Variants in PDE10A observed in about 807,000 individuals in gnomAD.
PDE10A encodes cAMP and cAMP-inhibited cGMP 3',5'-cyclic phosphodiesterase 10A.
In PDE10A, 39 loss-of-function variants were observed where a neutral mutation model predicts 97.7. The ratio of observed to expected loss-of-function variants is 0.40; its 90% CI spans 0.31 to 0.52. The LOEUF is 0.52. PDE10A is among the 20% of genes least tolerant of loss of function. The probability of loss-of-function intolerance (pLI) is 0.56; values close to 1 mark genes in which losing one functional copy is unlikely to be tolerated. For synonymous variants in PDE10A, 371 were observed against 376.8 expected (o/e 0.98, Z 0.18); for missense variants, 731 against 1,047.8 (o/e 0.70, Z 4.17).
intron 3 of PDE10A, among the ~76,000 whole-genome samples, chr6:165,461,463 A>T (rs927102094): frequency 6.6e-6 from 1 of 152,212 alleles, no homozygotes; most frequent in Non-Finnish European, 1.5e-5. Flanking sequence ...CTTCAGCTCA[A>T]AAAGCAGAGC....
intron 1 of PDE10A, among the ~76,000 whole-genome samples, chr6:165,877,113 G>A (rs1158890321): frequency 6.6e-6 from 1 of 152,182 alleles, no homozygotes; most frequent in East Asian, 1.9e-4. Context: ...GTTTCTTCCT[G>A]AAGGCACTAT....
chr6:165,857,145 C>G (rs1357681264), intron 1 of PDE10A, among the ~76,000 whole-genome samples: 1 of 152,138 alleles, frequency 6.6e-6, no homozygotes, highest in East Asian at 1.9e-4. Flanking sequence ...GAGCACTTAC[C>G]ACCAAGAGAA....
intron 1 of PDE10A, among the ~76,000 whole-genome samples, chr6:165,786,601 G>T (rs1290459870): frequency 6.6e-6 from 1 of 152,152 alleles, no homozygotes; most frequent in African/African-American, 2.4e-5. Flanking sequence ...TGACACATGG[G>T]CTGTTTTGCA....
At chr6:165,672,730 G>C (rs1733578875) in intron 1 of PDE10A, among the ~76,000 whole-genome samples, 1 of 152,164 alleles carries the variant, frequency 6.6e-6, no homozygotes, top group African/African-American at 2.4e-5. Flanking sequence ...GGCCTCCCCA[G>C]CCACATGGAA....
rs481072 is a variant in PDE10A, at chr6:165,362,876, T to C, written c.2783+16318A>G. On this transcript the variant is annotated intron_variant, in intron 18 of 21. Transcript: ENST00000539869. Reference sequence around the variant, plus strand: ...ACAACTATACACCATTATTACCTGATATCTATCATAGGAATGCAAGGTTGG... The same window carrying C: ...ACAACTATACACCATTATTACCTGACATCTATCATAGGAATGCAAGGTTGG... 7.9e-3 allele frequency among the ~76,000 whole-genome samples: 1,197 copies of C among 152,314 alleles called. 23 individuals are homozygous for C. Among genetic ancestry groups the C allele is most frequent in the African/African-American group, 0.028 (1,154 of 41,576 alleles).
chr6:165,419,386 A>G (rs1175930770), intron 10 of PDE10A, among the ~76,000 whole-genome samples: 2 of 152,330 alleles, frequency 1.3e-5, no homozygotes, highest in South Asian at 2.1e-4. Context: ...ATTTATATGA[A>G]TTGATTTGCC....
At position 165,521,086 on chromosome 6, in the gene PDE10A, C is replaced by T. The variant is rs9459431; in HGVS notation, c.994+22354G>A. ...TTGGTGTCTGTGTGTCAAATTTTCA[C>T]GATATTCAAAATACTTTTTCATCAT... is the stretch of plus-strand genomic sequence containing the variant. On this transcript the variant is annotated intron_variant, in intron 2 of 21. Transcript: ENST00000539869. Among the ~76,000 whole-genome samples the T allele has an allele frequency of 2.1e-3, 326 of 152,192 alleles. 2 individuals carry two copies. The highest frequency in any genetic ancestry group is 7.3e-3 in the African/African-American group (304 of 41,510).
At chr6:165,879,200 T>A (rs190473713) in intron 1 of PDE10A, among the ~76,000 whole-genome samples, 72 of 152,348 alleles carry the variant, frequency 4.7e-4, no homozygotes, top group African/African-American at 1.6e-3. Flanking sequence ...AGACAATTAT[T>A]CCTGTAGGTA....
chr6:165,483,184 T>G (rs1779705431), intron 2 of PDE10A, among the ~76,000 whole-genome samples: 1 of 152,180 alleles, frequency 6.6e-6, no homozygotes, highest in African/African-American at 2.4e-5. Context: ...TGTAATAAAC[T>G]TCAGATCTGC....
intron 1 of PDE10A, chr6:165,986,692 G>C (rs1398921206): frequency 6.6e-6 from 1 of 152,234 alleles, no homozygotes; most frequent in African/African-American, 2.4e-5. Flanking sequence ...CCCATTTGGG[G>C]GGGCGATGGG....
chr6:165,616,191 C>T (rs1308337071), intron 1 of PDE10A, among the ~76,000 whole-genome samples: 7 of 151,620 alleles, frequency 4.6e-5, no homozygotes, highest in Admixed American at 3.3e-4. Flanking sequence ...CAGAATTAAA[C>T]GTGAGCAGTA....
At chr6:165,666,535 G>C (rs1421230455), upstream of PDE10A, among the ~76,000 whole-genome samples, 2 of 151,990 alleles carry the variant, frequency 1.3e-5, no homozygotes, top group African/African-American at 4.8e-5. Context: ...ATGTCATTCA[G>C]GTGTGATGTG....
At chr6:165,541,609 C>A (rs747113860) in intron 2 of PDE10A, among the ~76,000 whole-genome samples, 1 of 152,164 alleles carries the variant, frequency 6.6e-6, no homozygotes, top group Non-Finnish European at 1.5e-5. Context: ...ATATAGCAAG[C>A]TGAAATTTGC....
At chr6:165,957,565 C>G (rs1784172437) in intron 1 of PDE10A, among the ~76,000 whole-genome samples, 1 of 152,220 alleles carries the variant, frequency 6.6e-6, no homozygotes, top group Non-Finnish European at 1.5e-5. Context: ...ACCTCTCCCT[C>G]TGTCAGCCAC....
chr6:165,834,868 C>T (rs1263819391), intron 1 of PDE10A, among the ~76,000 whole-genome samples: 5 of 152,218 alleles, frequency 3.3e-5, no homozygotes, highest in South Asian at 2.1e-4. Context: ...CAAACTCCTA[C>T]GGCAGAGCTG....
chr6:165,556,853 T>A (rs994490010), intron 1 of PDE10A, among the ~76,000 whole-genome samples: 12 of 151,896 alleles, frequency 7.9e-5, no homozygotes, highest in African/African-American at 1.7e-4. Context: ...AAAAAAAAAA[T>A]TCTGAGCCGG....
intron 18 of PDE10A, among the ~76,000 whole-genome samples, chr6:165,368,492 CT>C (rs891775371): frequency 4.5e-4 from 69 of 152,004 alleles, no homozygotes; most frequent in African/African-American, 1.6e-3. Context: ...TCAAAGCGGA[CT>C]AATAAAAATG....
chr6:165,926,977 T>A (rs939111755), intron 1 of PDE10A, among the ~76,000 whole-genome samples: 2 of 150,696 alleles, frequency 1.3e-5, no homozygotes, highest in African/African-American at 4.9e-5. Flanking sequence ...ATGTTAAGAT[T>A]CATTAAAAAG....
At chr6:165,726,642 T>C (rs1792303910) in intron 1 of PDE10A, among the ~76,000 whole-genome samples, 1 of 152,172 alleles carries the variant, frequency 6.6e-6, no homozygotes, top group South Asian at 2.1e-4. Flanking sequence ...CATCCTTGTC[T>C]GTTCCTTTGT....
Sources: allele counts gnomAD v4.1 joint callset (sites outside exome capture counted in the v4.1 genomes callset), GRCh38; gene constraint gnomAD v4.1.1; transcripts MANE v1.5; gene names NCBI Gene and HGNC (gene_info 2026-07-23, HGNC 2026-07-21).